Variants in DPYSL2 observed in about 807,000 individuals in gnomAD.
DPYSL2 encodes dihydropyrimidinase-related protein 2.
In DPYSL2, 13 loss-of-function variants were observed where a neutral mutation model predicts 69.9. That is an observed-to-expected ratio of 0.19 (90% CI 0.12 to 0.30). DPYSL2 has a LOEUF of 0.30. DPYSL2 is among the 10% of genes least tolerant of loss of function. The pLI is 1.00. For missense variants in DPYSL2, 587 were observed against 918.9 expected (o/e 0.64, Z 4.67); for synonymous variants, 326 against 359.1 (o/e 0.91, Z 1.04).
intron 1 of DPYSL2, among the ~76,000 whole-genome samples, chr8:26,563,588 T>C (rs1801106091): frequency 6.6e-6 from 1 of 152,222 alleles, no homozygotes; most frequent in Non-Finnish European, 1.5e-5. Flanking sequence ...ACTAAATCTC[T>C]ACCTAAATGT....
At position 26,556,160 on chromosome 8, in the gene DPYSL2, G is replaced by GTA. The variant is rs1377125528; in HGVS notation, c.355-25804_355-25803dup. Among the ~76,000 whole-genome samples the GTA allele has an allele frequency of 5.3e-3, 9 of 1,712 alleles. 1 individual carries two copies. Among genetic ancestry groups the GTA allele is most frequent in the African/African-American group, 7.0e-3 (7 of 1,000 alleles). The allele number at this position is 1,712 out of a possible 152,430, so 1.1% of individuals were successfully genotyped here. A position where few individuals can be genotyped will look rare whatever the true frequency, so the allele number is the denominator to read the frequency against. Reference sequence around the variant, plus strand: ...CTATATATAGTATATACTATATATAGTATATACTATATATAGTATATACTA... The same window carrying GTA: ...CTATATATAGTATATACTATATATAGTATATATACTATATATAGTATATACTA... On this transcript the variant is annotated intron_variant, in intron 1 of 13. Transcript: ENST00000521913.
intron 1 of DPYSL2, chr8:26,577,715 C>T: frequency 2.5e-6 from 2 of 795,942 alleles, no homozygotes; most frequent in Non-Finnish European, 3.0e-6. Context: ...AGAAAGCGCG[C>T]GAAAGGCGCG....
At chr8:26,556,530 T>C (rs2129648699) in intron 1 of DPYSL2, among the ~76,000 whole-genome samples, 1 of 149,246 alleles carries the variant, frequency 6.7e-6, no homozygotes, top group East Asian at 2.0e-4. Context: ...TCAGCTGCTT[T>C]TGTATATACC....
rs151282072 is a variant in DPYSL2, at chr8:26,641,584, G to A, written c.1127-1855G>A. Among the ~76,000 whole-genome samples the A allele has an allele frequency of 1.6e-4, 24 of 152,252 alleles. No homozygotes were observed. Among genetic ancestry groups the A allele is most frequent in the Non-Finnish European group, 2.9e-4 (20 of 68,044 alleles). ...GTGTTTTTCCACTTCGGGATGAACCGGAGTGGTTTGTGCAGCCACCTGATA... is the reference window on the plus strand; with the variant it reads ...GTGTTTTTCCACTTCGGGATGAACCAGAGTGGTTTGTGCAGCCACCTGATA... On this transcript the variant is annotated intron_variant, in intron 8 of 13. Coordinates refer to ENST00000521913, the MANE Select transcript of DPYSL2 (RefSeq NM_001197293.3). This position sits in a 1 kb window ranked among gnomAD's most constrained non-coding sequence, Gnocchi z 4.1.
chr8:26,616,005 G>A (rs73678822), intron 3 of DPYSL2, among the ~76,000 whole-genome samples: 51 of 152,296 alleles, frequency 3.3e-4, no homozygotes, highest in African/African-American at 1.2e-3. Context: ...CTATGTAGCA[G>A]ATGCTCTTCA....
chr8:26,602,291 A>G (rs1013087735), intron 3 of DPYSL2, among the ~76,000 whole-genome samples: 2 of 151,320 alleles, frequency 1.3e-5, no homozygotes, highest in Non-Finnish European at 2.9e-5. Flanking sequence ...ATTTTTTTTT[A>G]ATTTTATATA....
At position 26,647,721 on chromosome 8, in the gene DPYSL2, T is replaced by C; in HGVS notation, c.1517T>C (p.Ile506Thr). The C allele has an allele frequency of 6.2e-7, 1 of 1,614,166 alleles. No homozygotes were observed. Among genetic ancestry groups the C allele is most frequent in the Non-Finnish European group, 8.5e-7 (1 of 1,180,018 alleles). Residue 506 changes from isoleucine (I) to threonine (T), a missense_variant, in exon 11 of 14, where the codon ATT becomes ACT. By Grantham distance (89) the Ile-to-Thr change is moderately conservative. Transcript: ENST00000521913. The surrounding 1 kb of genome is among the most constrained non-coding windows in gnomAD (Gnocchi z 5.1). ...VFNLYPRKGR[I>T]AVGSDADLVI... The stretch of plus-strand genomic sequence containing the variant: ...AACCTTTACCCCCGGAAAGGCCGCA[T>C]TGCTGTGGGATCCGATGCCGACCTG...
chr8:26,549,081 C>T (rs189382619), intron 1 of DPYSL2, among the ~76,000 whole-genome samples: 2 of 149,458 alleles, frequency 1.3e-5, no homozygotes, highest in Non-Finnish European at 3.0e-5. Flanking sequence ...CCCAGTTACT[C>T]GGGAGGCTGA....
rs1021678846 is a variant in DPYSL2, at chr8:26,587,918, C to T, written c.628+3935C>T. Among the ~76,000 whole-genome samples, 4 of 152,172 alleles carry T rather than the reference C, an allele frequency of 2.6e-5. No individual in the cohort carries two copies. Among genetic ancestry groups the T allele is most frequent in the East Asian group, 1.9e-4 (1 of 5,180 alleles). On this transcript the variant is annotated intron_variant, in intron 3 of 13. Transcript: ENST00000521913. This position sits in a 1 kb window ranked among gnomAD's most constrained non-coding sequence, Gnocchi z 4.2. ...AAGACTGAGGCCGGAAGGACAGACA[C>T]GACTTGCCAACACTTACCCTGTGCG...
Position 26,611,649 on chromosome 8 carries a change from A to G in DPYSL2, c.629-12494A>G, listed in dbSNP as rs535932988. On this transcript the variant is annotated intron_variant, in intron 3 of 13. Transcript: ENST00000521913. ...GCCCCACACTGAGCCAAGGATTTCA[A>G]CATCTCTTGGAGAAATTCTGCATGG... Among the ~76,000 whole-genome samples the G allele has an allele frequency of 1.1e-4, 16 of 152,352 alleles. No individual in the cohort carries two copies. The East Asian group carries it at 2.5e-3, about 24-fold the overall frequency.
rs1803415852 is a variant in DPYSL2 at position 26,657,395 on chromosome 8, A to G, written c.*1689A>G. ...ACGTGTTTACAGGTTCTCTTAAGCA[A>G]TGTTGTATTTGCAGGCTTTTCTGAA... is the stretch of plus-strand genomic sequence containing the variant. On this transcript the variant is annotated 3_prime_UTR_variant, in exon 14 of 14. Transcript: ENST00000521913. 6.6e-6 allele frequency: 1 copy of G among 152,620 alleles called. No homozygotes were observed. The highest frequency in any genetic ancestry group is 2.1e-4 in the South Asian group (1 of 4,822). The allele number at this position is 152,620 out of a possible 1,614,324, so 9.5% of individuals were successfully genotyped here.
At chr8:26,611,556 G>T (rs116238345) in intron 3 of DPYSL2, among the ~76,000 whole-genome samples, 1 of 152,220 alleles carries the variant, frequency 6.6e-6, no homozygotes, top group East Asian at 1.9e-4. Context: ...GAAGGGATAT[G>T]AGGTGCTGTA....
At chr8:26,530,169 A>G (rs1483125234) in intron 1 of DPYSL2, among the ~76,000 whole-genome samples, 2 of 152,042 alleles carry the variant, frequency 1.3e-5, no homozygotes, top group African/African-American at 2.4e-5. Flanking sequence ...GAAAAGAAAA[A>G]AAAACCAACA....
chr8:26,541,747 T>C (rs1800687300), intron 1 of DPYSL2, among the ~76,000 whole-genome samples: 1 of 152,138 alleles, frequency 6.6e-6, no homozygotes, highest in Non-Finnish European at 1.5e-5. Flanking sequence ...GGTTAAAAAC[T>C]GTAAGATATT....
chr8:26,611,790 G>A (rs1383082497), intron 3 of DPYSL2, among the ~76,000 whole-genome samples: 1 of 152,184 alleles, frequency 6.6e-6, no homozygotes, highest in Non-Finnish European at 1.5e-5. Flanking sequence ...GTCTGTCTGT[G>A]AACATAAACA....
chr8:26,613,569 C>T (rs191601811), intron 3 of DPYSL2, among the ~76,000 whole-genome samples: 1 of 152,320 alleles, frequency 6.6e-6, no homozygotes, highest in East Asian at 1.9e-4. Context: ...GAGGGTCCTG[C>T]TCCTTATATC....
rs955632040 is a variant in DPYSL2 at position 26,571,756 on chromosome 8, G to T, written c.355-10213G>T. Among the ~76,000 whole-genome samples, 2 of 152,148 alleles carry T rather than the reference G, an allele frequency of 1.3e-5. No homozygotes were observed. The highest frequency in any genetic ancestry group is 2.9e-5 in the Non-Finnish European group (2 of 68,024). On this transcript the variant is annotated intron_variant, in intron 1 of 13. Transcript: ENST00000521913. The surrounding 1 kb of genome is among the most constrained non-coding windows in gnomAD (Gnocchi z 6.1). ...TTCTAGCCAAAGCAGCGTCTGTTTC[G>T]GAGGGCCAGTCACTGCTGACCCTCA...
chr8:26,635,420 A>G (rs1343613402), intron 8 of DPYSL2, among the ~76,000 whole-genome samples: 2 of 152,170 alleles, frequency 1.3e-5, no homozygotes, highest in East Asian at 3.9e-4. Flanking sequence ...GGTCTCTGGT[A>G]TTACTAGGGT....
At chr8:26,556,367 A>ATATATATAGTATATATATATAGTG (rs1800986750) in intron 1 of DPYSL2, among the ~76,000 whole-genome samples, 1 of 83,822 alleles carries the variant, frequency 1.2e-5, no homozygotes, top group African/African-American at 4.5e-5. Context: ...TATATATAGT[A>ATATATATAGTATATATATATAGTG]TATATATATA....
Sources: allele counts gnomAD v4.1 joint callset (sites outside exome capture counted in the v4.1 genomes callset), GRCh38; gene constraint gnomAD v4.1.1; non-coding constraint Gnocchi (gnomAD v3.1); transcripts MANE v1.5; gene names NCBI Gene and HGNC (gene_info 2026-07-23, HGNC 2026-07-21).